The following RPS8 variants were observed in gnomAD, a reference collection of about 807,000 sequenced individuals.
RPS8 encodes the protein ribosomal protein S8, also known as small ribosomal subunit protein eS8.
For synonymous variants in RPS8, 100 were observed against 100.7 expected (o/e 0.99, Z 0.04); for missense variants, 141 against 269.7 (o/e 0.52, Z 3.34).
intron 2 of RPS8, 73 bp from the exon 3 acceptor site, chr1:44,776,602 C>T (rs1395575864): frequency 8.6e-6 from 11 of 1,282,754 alleles, no homozygotes; most frequent in African/African-American, 1.5e-5. Flanking sequence ...TGCCTCCTCC[C>T]GGCCCAGGTT....
In RPS8 at chr1:44,778,422, A is replaced by G. The variant is rs374217599; in HGVS notation, c.518-154A>G. On this transcript the variant is annotated intron_variant, in intron 5 of 5. Coordinates refer to ENST00000396651, the MANE Select transcript of RPS8 (RefSeq NM_001012.2). ...GATGAAAACTTTGTCCAGTTCTGCT[A>G]CTGACAGTAAGTGAAGATAAAGTGT... is the stretch of plus-strand genomic sequence containing the variant. The G allele has an allele frequency of 8.2e-5, 67 of 815,046 alleles. 1 individual carries two copies. The highest frequency in any genetic ancestry group is 1.7e-4 in the Admixed American group (10 of 59,030). 50.5% of individuals were successfully genotyped at this position (815,046 alleles called of 1,614,324 possible). A position where few individuals can be genotyped will look rare whatever the true frequency, so the allele number is the denominator to read the frequency against.
intron 2 of RPS8, chr1:44,776,372 G>C: frequency 1.4e-6 from 1 of 699,432 alleles, no homozygotes; most frequent in Non-Finnish European, 2.6e-6. Flanking sequence ...AGGATACTGT[G>C]TGGGGACTTG....
chr1:44,777,971 G>T, intron 4 of RPS8, 29 bp from the exon 5 acceptor site: 2 of 1,613,244 alleles, frequency 1.2e-6, no homozygotes, highest in Non-Finnish European at 1.7e-6. Flanking sequence ...TTCCTTCCCT[G>T]AGCTCATATA....
intron 5 of RPS8, 149 bp from the exon 6 acceptor site, chr1:44,778,427 C>T: frequency 1.2e-6 from 1 of 817,658 alleles, no homozygotes; most frequent in Middle Eastern, 2.2e-4. Flanking sequence ...CTGCTACTGA[C>T]AGTAAGTGAA....
In RPS8 at chr1:44,775,592, G is replaced by A. The variant is rs200295931; in HGVS notation, c.-5G>A. The A allele has an allele frequency of 4.7e-4, 759 of 1,614,140 alleles. 1 individual carries two copies. The highest frequency in any genetic ancestry group is 6.3e-4 in the Non-Finnish European group (743 of 1,179,988). On this transcript the variant is annotated 5_prime_UTR_variant, in exon 1 of 6. Transcript: ENST00000396651. ...GCGGTTTCTCTTTCCAGCCAGCGCCGAGCGATGGGTGAGTGTCGCTCTGCA... is the reference window on the plus strand; with the variant it reads ...GCGGTTTCTCTTTCCAGCCAGCGCCAAGCGATGGGTGAGTGTCGCTCTGCA...
At chr1:44,775,709 G>A (rs987065593) in intron 1 of RPS8, 109 bp downstream of exon 1, 2 of 1,436,154 alleles carry the variant, frequency 1.4e-6, no homozygotes, top group Non-Finnish European at 2.0e-6. Flanking sequence ...CCCGGCCAGG[G>A]ACAGCCACGA....
At position 44,778,139 on chromosome 1, in the gene RPS8, C is replaced by CTGT; in HGVS notation, c.517+14_517+16dup. The CTGT allele has an allele frequency of 1.3e-6, 2 of 1,590,798 alleles. No individual in the cohort carries two copies. The highest frequency in any genetic ancestry group is 1.7e-6 in the Non-Finnish European group (2 of 1,168,442). ...CAGGGCAAGCTTCTTGGTGAGAAGGCTGTTGTGTTGGAGGTGGGGAGTCGC... is the reference window on the plus strand; with the variant it reads ...CAGGGCAAGCTTCTTGGTGAGAAGGCTGTTGTTGTGTTGGAGGTGGGGAGTCGC... On this transcript the variant is annotated intron_variant, in intron 5 of 5. Coordinates refer to ENST00000396651, the MANE Select transcript of RPS8 (RefSeq NM_001012.2).
rs765289541 is a variant in RPS8, at chr1:44,778,580, C to T, written c.522C>T (p.Cys174=). 8.1e-6 allele frequency: 13 copies of T among 1,612,530 alleles called. No individual in the cohort carries two copies. The highest frequency in any genetic ancestry group is 1.1e-5 in the Non-Finnish European group (13 of 1,178,632). ...EQFQQGKLLA[C]IASRPGQCGR... is the part of the protein sequence containing the mutation. ...GGATCACCTACTCTCTTGCAGCGTG[C>T]ATCGCTTCAAGGCCGGGACAGTGTG... Residue 174 remains cysteine (C), a synonymous_variant, in exon 6 of 6, where the codon TGC becomes TGT. Transcript: ENST00000396651.
Position 44,777,606 on chromosome 1 carries a change from G to C in RPS8, c.212-8G>C. On this transcript the variant is annotated splice_region_variant and splice_polypyrimidine_tract_variant and intron_variant, in intron 3 of 5. Transcript: ENST00000396651. ...GTTTACTTGATGCCAAATTTCTCCT[G>C]TGAGCAGGTTGTACTCGTAAAACAA... 6.2e-7 allele frequency: 1 copy of C among 1,610,902 alleles called. No individual in the cohort carries two copies. Among genetic ancestry groups the C allele is most frequent in the Non-Finnish European group, 8.5e-7 (1 of 1,177,624 alleles).
Position 44,778,715 on chromosome 1 carries a change from A to G in RPS8, c.*30A>G. 2 of 1,437,180 alleles carry G rather than the reference A, an allele frequency of 1.4e-6. No individual in the cohort carries two copies. The highest frequency in any genetic ancestry group is 1.2e-5 in the South Asian group (1 of 83,166). 89.0% of individuals were successfully genotyped at this position (1,437,180 alleles called of 1,614,324 possible). A position where few individuals can be genotyped will look rare whatever the true frequency, so the allele number is the denominator to read the frequency against. On this transcript the variant is annotated 3_prime_UTR_variant, in exon 6 of 6. Coordinates refer to ENST00000396651, the MANE Select transcript of RPS8 (RefSeq NM_001012.2). ...TTGTTTTGTCTTCACCCATGTAATA[A>G]AGGTGTTTATTGTTTTGTTCCCACA... is the stretch of plus-strand genomic sequence containing the variant.
intron 4 of RPS8, 40 bp downstream of exon 4, chr1:44,777,829 C>A (rs1230896709): frequency 6.2e-7 from 1 of 1,603,996 alleles, no homozygotes; most frequent in South Asian, 1.1e-5. Context: ...GGGAGGGCAG[C>A]CTGACTCCAG....
intron 2 of RPS8, 25 bp downstream of exon 2, chr1:44,776,165 G>T (rs750477937): frequency 6.5e-7 from 1 of 1,526,818 alleles, no homozygotes; most frequent in Non-Finnish European, 8.9e-7. Flanking sequence ...GGGCCTGTCC[G>T]CCTGGGAGGT....
chr1:44,777,332 A>G (rs994479987), intron 3 of RPS8: 2 of 351,990 alleles, frequency 5.7e-6, no homozygotes, highest in East Asian at 5.7e-5. Context: ...TGACCTCCCA[A>G]AGTGCTGGGG....
At chr1:44,777,932 A>C in intron 4 of RPS8, 68 bp from the exon 5 acceptor site, 1 of 1,597,666 alleles carries the variant, frequency 6.3e-7, no homozygotes, top group South Asian at 1.1e-5. Flanking sequence ...TGGGGTGTGC[A>C]GGGTTCGAGA....
At chr1:44,776,560 A>G (rs748842360) in intron 2 of RPS8, 115 bp from the exon 3 acceptor site, 18 of 890,216 alleles carry the variant, frequency 2.0e-5, no homozygotes, top group African/African-American at 8.2e-5. Flanking sequence ...CCACTTGCCA[A>G]TGCAAGGACT....
chr1:44,777,865 A>G lies in RPS8; in HGVS notation c.387+76A>G, dbSNP rs765794935. ...CCTTCTCGTGATGAAAACTCTGTCC[A>G]GTTCTGCTACTGAAGGGAGAGAGAT... On this transcript the variant is annotated intron_variant, in intron 4 of 5. Transcript: ENST00000396651. The G allele has an allele frequency of 7.6e-6, 12 of 1,579,500 alleles. No homozygotes were observed. The Admixed American group carries it at 1.0e-4, about 13-fold the overall frequency.
rs1650922295 is a variant in RPS8 at position 44,778,065 on chromosome 1, A to G, written c.453A>G (p.Glu151=). 1 of 1,611,286 alleles carries G rather than the reference A, an allele frequency of 6.2e-7. No individual in the cohort carries two copies. The highest frequency in any genetic ancestry group is 1.3e-5 in the African/African-American group (1 of 74,908). Residue 151 remains glutamate (E), a synonymous_variant, in exon 5 of 6, where the codon GAA becomes GAG. Coordinates refer to ENST00000396651, the MANE Select transcript of RPS8 (RefSeq NM_001012.2). ...RSKKIQKKYD[E]RKKNAKISSL... is the part of the protein sequence containing the mutation. ...AAAAAATTCAGAAGAAATATGATGA[A>G]AGGAAAAAGAATGCCAAAATCAGCA...
intron 5 of RPS8, 26 bp from the exon 6 acceptor site, chr1:44,778,550 G>T: frequency 6.3e-7 from 1 of 1,590,418 alleles, no homozygotes; most frequent in Non-Finnish European, 8.6e-7. Flanking sequence ...TTGTCGTTGT[G>T]CTAAGGATCA....
intron 1 of RPS8, 49 bp from the exon 2 acceptor site, chr1:44,775,985 A>G (rs774933139): frequency 6.4e-7 from 1 of 1,564,668 alleles, no homozygotes; most frequent in Admixed American, 1.7e-5. Context: ...GCGAGTCGCT[A>G]GCACCGAGTC....
Sources: gnomAD v4.1 joint callset for allele counts on GRCh38, gnomAD v4.1.1 for gene constraint, MANE v1.5 for transcripts, NCBI Gene and HGNC (gene_info 2026-07-23, HGNC 2026-07-21) for gene names.